The following ELOVL6 variants were observed in gnomAD, a reference collection of about 807,000 sequenced individuals.
ELOVL6 encodes the protein ELOVL fatty acid elongase 6.
A neutral mutation model predicts 31.7 loss-of-function variants in ELOVL6; 8 were observed. The observed-to-expected ratio is 0.25, with a 90% CI of 0.15 to 0.45. The LOEUF is 0.45. Among genes scored for constraint, ELOVL6 ranks in the 20% least tolerant of loss-of-function variants. ELOVL6 has a pLI of 1.00. For synonymous variants in ELOVL6, 101 were observed against 117.7 expected, an observed-to-expected ratio of 0.86 and a Z score of 0.92; for missense variants, 126 against 326.4, an observed-to-expected ratio of 0.39 and a Z score of 4.73.
intron 1 of ELOVL6, among the ~76,000 whole-genome samples, chr4:110,147,716 G>C (rs1397225305): frequency 1.3e-5 from 2 of 151,878 alleles, no homozygotes; most frequent in Non-Finnish European, 2.9e-5. Flanking sequence ...ATTTGAGCCT[G>C]GGAAGTTGAG....
intron 1 of ELOVL6, among the ~76,000 whole-genome samples, chr4:110,128,560 A>G (rs1757578486): frequency 6.6e-6 from 1 of 152,214 alleles, no homozygotes; most frequent in Non-Finnish European, 1.5e-5. Flanking sequence ...GTGCGGTTAC[A>G]GGAAGTTCCT....
At chr4:110,086,413 C>T (rs1756265378) in intron 2 of ELOVL6, among the ~76,000 whole-genome samples, 1 of 152,186 alleles carries the variant, frequency 6.6e-6, no homozygotes, top group African/African-American at 2.4e-5. Context: ...AATTTGAAGG[C>T]ATGTGAATCT....
At chr4:110,155,744 A>G (rs538277859) in intron 1 of ELOVL6, among the ~76,000 whole-genome samples, 1 of 152,248 alleles carries the variant, frequency 6.6e-6, no homozygotes, top group South Asian at 2.1e-4. Context: ...GGGCAGATCA[A>G]CAACCTCCTC....
At chr4:110,158,916 C>T (rs1261981794) in intron 1 of ELOVL6, among the ~76,000 whole-genome samples, 2 of 152,114 alleles carry the variant, frequency 1.3e-5, no homozygotes, top group East Asian at 3.9e-4. Flanking sequence ...CTGCCTTGGC[C>T]TCCCAAAGTG....
chr4:110,153,202 T>C (rs1489907351), intron 1 of ELOVL6, among the ~76,000 whole-genome samples: 1 of 152,216 alleles, frequency 6.6e-6, no homozygotes, highest in Non-Finnish European at 1.5e-5. Context: ...GTATCACTGT[T>C]AAGATTTAAT....
intron 1 of ELOVL6, among the ~76,000 whole-genome samples, chr4:110,177,493 T>C (rs1291889133): frequency 2.0e-5 from 3 of 152,086 alleles, no homozygotes; most frequent in Admixed American, 2.0e-4. Context: ...CATATCCTTT[T>C]ATAAACTTAC....
intron 3 of ELOVL6, among the ~76,000 whole-genome samples, chr4:110,052,938 A>T (rs900224252): frequency 2.0e-5 from 3 of 152,168 alleles, no homozygotes; most frequent in African/African-American, 7.2e-5. Context: ...AAAAGCTAGA[A>T]GGTTCTTTTA....
intron 1 of ELOVL6, among the ~76,000 whole-genome samples, chr4:110,163,636 G>A (rs1054662408): frequency 2.7e-4 from 41 of 152,170 alleles, no homozygotes; most frequent in Admixed American, 2.3e-3. Flanking sequence ...AGTCACAACT[G>A]ACTTTAATAT....
chr4:110,095,746 C>T (rs1317892272), intron 2 of ELOVL6, among the ~76,000 whole-genome samples: 1 of 152,098 alleles, frequency 6.6e-6, no homozygotes, highest in East Asian at 1.9e-4. Flanking sequence ...AGGACAGCAA[C>T]TAGTGGTTGC....
intron 2 of ELOVL6, among the ~76,000 whole-genome samples, chr4:110,063,111 C>T (rs1755192439): frequency 6.6e-6 from 1 of 152,130 alleles, no homozygotes; most frequent in Non-Finnish European, 1.5e-5. Context: ...CTTATTTTGT[C>T]AGGTAAGAGA....
intron 1 of ELOVL6, among the ~76,000 whole-genome samples, chr4:110,110,293 T>G (rs114350692): frequency 1.2e-3 from 176 of 152,178 alleles, no homozygotes; most frequent in African/African-American, 4.0e-3. Flanking sequence ...GATCCTGAGG[T>G]TTCTTGAAGT....
At chr4:110,159,820 C>T (rs771316314) in intron 1 of ELOVL6, among the ~76,000 whole-genome samples, 1 of 152,112 alleles carries the variant, frequency 6.6e-6, no homozygotes, top group Admixed American at 6.6e-5. Flanking sequence ...AAAATTTTAA[C>T]CTCTCACAAT....
chr4:110,062,160 G>T (rs1755159711), intron 2 of ELOVL6, among the ~76,000 whole-genome samples: 1 of 152,178 alleles, frequency 6.6e-6, no homozygotes, highest in South Asian at 2.1e-4. Flanking sequence ...AAGTTTGAGG[G>T]CTAGGGTATG....
At chr4:110,098,090 A>T (rs890780901) in intron 2 of ELOVL6, among the ~76,000 whole-genome samples, 1 of 152,242 alleles carries the variant, frequency 6.6e-6, no homozygotes, top group East Asian at 1.9e-4. Flanking sequence ...TACAAGTTAG[A>T]AACATTAACC....
chr4:110,167,653 T>TTATGTATGTATGTATG (rs33925081), intron 1 of ELOVL6, among the ~76,000 whole-genome samples: 2 of 139,510 alleles, frequency 1.4e-5, no homozygotes, highest in Non-Finnish European at 3.1e-5. Flanking sequence ...ACCACCTCAG[T>TTATGTATGTATGTATG]TATGTATGTA....
intron 1 of ELOVL6, among the ~76,000 whole-genome samples, chr4:110,111,768 T>C (rs1277235813): frequency 2.0e-5 from 3 of 152,004 alleles, no homozygotes; most frequent in Non-Finnish European, 4.4e-5. Flanking sequence ...TGGAGTTAGG[T>C]GTGAGCTAAA....
At position 110,051,837 on chromosome 4, in the gene ELOVL6, G is replaced by T. The variant is rs1043364262; in HGVS notation, c.374-75C>A. 4.9e-5 allele frequency: 62 copies of T among 1,273,284 alleles called. No homozygotes were observed. The highest frequency in any genetic ancestry group is 6.1e-5 in the Admixed American group (3 of 49,070). The allele number at this position is 1,273,284 out of a possible 1,614,324, so 78.9% of individuals were successfully genotyped here. A position where few individuals can be genotyped will look rare whatever the true frequency, so the allele number is the denominator to read the frequency against. ...CGATGACTTACAGTTTTGTAAGAGG[G>T]TAGACATCCTGAGCTAGGACTGGAG... On this transcript the variant is annotated intron_variant, in intron 3 of 3. Transcript: ENST00000302274. This position sits in a 1 kb window ranked among gnomAD's most constrained non-coding sequence, Gnocchi z 4.8.
chr4:110,150,447 T>C (rs143141435), intron 1 of ELOVL6, among the ~76,000 whole-genome samples: 2 of 152,330 alleles, frequency 1.3e-5, no homozygotes, highest in African/African-American at 4.8e-5. Flanking sequence ...TTCCATATTA[T>C]TGTATGTTAC....
At chr4:110,084,467 TATAACAATATACACTATA>T (rs1459847715) in intron 2 of ELOVL6, among the ~76,000 whole-genome samples, 7 of 125,038 alleles carry the variant, frequency 5.6e-5, no homozygotes, top group East Asian at 2.1e-4. Flanking sequence ...ATATATGATA[TATAACAATATACACTATA>T]ATGTATACAC....
Sources: allele counts gnomAD v4.1 joint callset (sites outside exome capture counted in the v4.1 genomes callset), GRCh38; gene constraint gnomAD v4.1.1; non-coding constraint Gnocchi (gnomAD v3.1); transcripts MANE v1.5; gene names NCBI Gene and HGNC (gene_info 2026-07-23, HGNC 2026-07-21).